The following CNTNAP4 variants were observed in gnomAD, a reference collection of about 807,000 sequenced individuals.
CNTNAP4 encodes contactin-associated protein-like 4.
A neutral mutation model predicts 148.4 loss-of-function variants in CNTNAP4; 98 were observed. The ratio of observed to expected loss-of-function variants is 0.66; its 90% CI spans 0.56 to 0.78. The LOEUF is 0.78. Among genes scored for constraint, CNTNAP4 ranks in the 30% least tolerant of loss-of-function variants. CNTNAP4 has a pLI of 0.00. For missense variants in CNTNAP4, 1,935 were observed against 1,565.6 expected (o/e 1.24, Z -3.98); for synonymous variants, 730 against 565.1 (o/e 1.29, Z -4.14).
chr16:76,447,186 T>C (rs190187531), intron 4 of CNTNAP4, among the ~76,000 whole-genome samples: 1 of 152,084 alleles, frequency 6.6e-6, no homozygotes, highest in Non-Finnish European at 1.5e-5. Flanking sequence ...AGTGCACCCT[T>C]GTGGTTCCAC....
intron 3 of CNTNAP4, among the ~76,000 whole-genome samples, chr16:76,384,730 T>C (rs929225856): frequency 6.6e-6 from 1 of 152,198 alleles, no homozygotes; most frequent in Non-Finnish European, 1.5e-5. Flanking sequence ...CCAGTTGTCA[T>C]ATAGCCAGGC....
intron 15 of CNTNAP4, among the ~76,000 whole-genome samples, chr16:76,511,000 G>A (rs770384785): frequency 2.0e-5 from 3 of 152,086 alleles, no homozygotes; most frequent in Non-Finnish European, 4.4e-5. Context: ...GAATGTACCT[G>A]AATGTTGTTC....
chr16:76,508,037 C>T lies in CNTNAP4; in HGVS notation c.2365+9343C>T, dbSNP rs561962742. Among the ~76,000 whole-genome samples, 255 of 98,014 alleles carry T rather than the reference C, an allele frequency of 2.6e-3. 100 individuals carry two copies. Among genetic ancestry groups the T allele is most frequent in the Non-Finnish European group, 5.6e-3 (194 of 34,430 alleles). The allele number at this position is 98,014 out of a possible 152,430, so 64.3% of individuals were successfully genotyped here. Reference sequence around the variant, plus strand: ...TAGCATATTACAAAGATATCTTTCTCATACTGGCTTTTAATTATTTTTGAG... The same window carrying T: ...TAGCATATTACAAAGATATCTTTCTTATACTGGCTTTTAATTATTTTTGAG... On this transcript the variant is annotated intron_variant, in intron 15 of 23. Transcript: ENST00000611870.
intron 1 of CNTNAP4, among the ~76,000 whole-genome samples, chr16:76,298,480 ACATGTATGTG>A (rs1205067825): frequency 7.2e-6 from 1 of 138,702 alleles, no homozygotes; most frequent in African/African-American, 3.1e-5. Flanking sequence ...ACATGTGTGT[ACATGTATGTG>A]TGTGTGTGTG....
At chr16:76,396,089 G>A (rs1190816112) in intron 3 of CNTNAP4, among the ~76,000 whole-genome samples, 2 of 152,118 alleles carry the variant, frequency 1.3e-5, no homozygotes, top group African/African-American at 4.8e-5. Context: ...CCATAAATAA[G>A]GAAAGACCTC....
chr16:76,514,931 C>T (rs1288256765), intron 15 of CNTNAP4, among the ~76,000 whole-genome samples: 3 of 152,128 alleles, frequency 2.0e-5, no homozygotes, highest in Admixed American at 1.3e-4. Context: ...TTCTTCACAT[C>T]AGCATTTCAA....
chr16:76,308,220 AT>A (rs1960705938), intron 1 of CNTNAP4, among the ~76,000 whole-genome samples: 1 of 152,134 alleles, frequency 6.6e-6, no homozygotes, highest in African/African-American at 2.4e-5. Flanking sequence ...GTAAATGTTA[AT>A]TTTCATGTCA....
chr16:76,383,222 T>C (rs1228845985), intron 3 of CNTNAP4, among the ~76,000 whole-genome samples: 1 of 151,984 alleles, frequency 6.6e-6, no homozygotes, highest in African/African-American at 2.4e-5. Flanking sequence ...TTAAGAATGT[T>C]AGAATAACTC....
At chr16:76,436,034 C>A (rs1395658646) in intron 4 of CNTNAP4, among the ~76,000 whole-genome samples, 2 of 152,064 alleles carry the variant, frequency 1.3e-5, no homozygotes, top group African/African-American at 2.4e-5. Context: ...CTCTGAATGT[C>A]ACCTCTAGGG....
At chr16:76,326,962 A>T (rs969105484) in intron 2 of CNTNAP4, among the ~76,000 whole-genome samples, 7 of 152,126 alleles carry the variant, frequency 4.6e-5, no homozygotes, top group Admixed American at 2.6e-4. Context: ...AAATTTAAAA[A>T]ATACAAAAAA....
At chr16:76,489,998 G>T (rs146013452) in intron 13 of CNTNAP4, 115 bp downstream of exon 13, 1 of 537,170 alleles carries the variant, frequency 1.9e-6, no homozygotes, top group African/African-American at 1.9e-5. Context: ...GAGGGTATAT[G>T]ATCTCACATA....
In CNTNAP4 at chr16:76,339,242, A is replaced by C. The variant is rs77289381; in HGVS notation, c.197-16076A>C. Among the ~76,000 whole-genome samples, 1,208 of 152,232 alleles carry C rather than the reference A, an allele frequency of 7.9e-3. 4 individuals are homozygous for C. The highest frequency in any genetic ancestry group is 0.02 in the Middle Eastern group (6 of 294). On this transcript the variant is annotated intron_variant, in intron 2 of 23. Transcript: ENST00000611870. Reference sequence around the variant, plus strand: ...TGCCAGAGATCACTGAGCTTCTATAATGTTTATTAACAATTGGAAATGTCT... The same window carrying C: ...TGCCAGAGATCACTGAGCTTCTATACTGTTTATTAACAATTGGAAATGTCT...
chr16:76,417,706 A>G (rs1211626862), intron 3 of CNTNAP4, among the ~76,000 whole-genome samples: 1 of 151,466 alleles, frequency 6.6e-6, no homozygotes, highest in Non-Finnish European at 1.5e-5. Context: ...TCCTTTCTCA[A>G]TGTAGATCCA....
chr16:76,455,044 A>G (rs1009790583), intron 8 of CNTNAP4, among the ~76,000 whole-genome samples: 1 of 152,232 alleles, frequency 6.6e-6, no homozygotes, highest in African/African-American at 2.4e-5. Flanking sequence ...GTCATTTGGA[A>G]TTATTCAAAA....
intron 5 of CNTNAP4, 60 bp from the exon 6 acceptor site, chr16:76,448,707 C>A: frequency 1.6e-6 from 2 of 1,270,458 alleles, no homozygotes; most frequent in East Asian, 2.6e-5. Context: ...CAGAAGGGAA[C>A]CTTTTTTTTT....
At chr16:76,469,102 T>C (rs1007790834) in intron 10 of CNTNAP4, among the ~76,000 whole-genome samples, 1 of 152,212 alleles carries the variant, frequency 6.6e-6, no homozygotes, top group Non-Finnish European at 1.5e-5. Flanking sequence ...TGAACACTAA[T>C]AAATACTTCA....
At chr16:76,379,511 C>G (rs1162876853) in intron 3 of CNTNAP4, among the ~76,000 whole-genome samples, 2 of 152,126 alleles carry the variant, frequency 1.3e-5, no homozygotes, top group Non-Finnish European at 2.9e-5. Flanking sequence ...CCAAAATGTA[C>G]TACTCTTTCT....
chr16:76,332,866 A>T (rs1011826523), intron 2 of CNTNAP4, among the ~76,000 whole-genome samples: 1 of 152,104 alleles, frequency 6.6e-6, no homozygotes, highest in African/African-American at 2.4e-5. Flanking sequence ...CAAGCAGTTT[A>T]TTCTGGCAGC....
chr16:76,438,488 A>G (rs4887861), intron 4 of CNTNAP4, among the ~76,000 whole-genome samples: 81,707 of 151,864 alleles, frequency 0.54, 22,194 homozygotes, highest in South Asian at 0.7. Flanking sequence ...GAAATCCCAC[A>G]AGAGTATTGC....
Sources: allele counts gnomAD v4.1 joint callset (sites outside exome capture counted in the v4.1 genomes callset), GRCh38; gene constraint gnomAD v4.1.1; transcripts MANE v1.5; gene names NCBI Gene and HGNC (gene_info 2026-07-23, HGNC 2026-07-21).